The following DOCK3 variants were observed in gnomAD, a reference collection of about 807,000 sequenced individuals.
The protein encoded by DOCK3 is dedicator of cytokinesis protein 3.
A neutral mutation model predicts 265.6 loss-of-function variants in DOCK3; 60 were observed. That is an observed-to-expected ratio of 0.23 (90% CI 0.18 to 0.28). DOCK3 has a LOEUF of 0.28. Among genes scored for constraint, DOCK3 ranks in the 10% least tolerant of loss-of-function variants. The probability of loss-of-function intolerance (pLI) is 1.00; values close to 1 mark genes in which losing one functional copy is unlikely to be tolerated. For synonymous variants in DOCK3, 881 were observed against 938.0 expected (o/e 0.94, Z 1.11); for missense variants, 1,981 against 2,594.3 (o/e 0.76, Z 5.14).
At chr3:51,303,126 T>C (rs551640670) in intron 27 of DOCK3, among the ~76,000 whole-genome samples, 6 of 151,350 alleles carry the variant, frequency 4.0e-5, no homozygotes, top group African/African-American at 1.2e-4. Flanking sequence ...TTTTTTTTTT[T>C]CTCTAATCTT....
chr3:51,020,632 G>A (rs1254990145), intron 5 of DOCK3, among the ~76,000 whole-genome samples: 1 of 151,770 alleles, frequency 6.6e-6, no homozygotes, highest in African/African-American at 2.4e-5. Context: ...AATCCACCTT[G>A]CGTTAATTTT....
At chr3:51,134,867 C>T (rs1183275368) in intron 9 of DOCK3, among the ~76,000 whole-genome samples, 1 of 152,180 alleles carries the variant, frequency 6.6e-6, no homozygotes. Flanking sequence ...CTTTACTACT[C>T]TCTACTTTTT....
intron 6 of DOCK3, 148 bp downstream of exon 6, chr3:51,064,744 A>G: frequency 9.0e-7 from 1 of 1,109,000 alleles, no homozygotes; most frequent in Non-Finnish European, 1.2e-6. Context: ...TGCTAGGAGC[A>G]GTTATTTGTC....
intron 19 of DOCK3, among the ~76,000 whole-genome samples, chr3:51,233,035 A>G (rs1489476025): frequency 1.3e-5 from 2 of 152,090 alleles, no homozygotes; most frequent in Admixed American, 6.6e-5. Flanking sequence ...GCCTTGTAGT[A>G]TAGTTTGAAA....
intron 9 of DOCK3, among the ~76,000 whole-genome samples, chr3:51,097,024 C>T (rs989681391): frequency 7.9e-5 from 12 of 152,202 alleles, no homozygotes; most frequent in African/African-American, 2.4e-5. Context: ...CAGAGCTCTC[C>T]TGTATGAGGT....
chr3:51,265,535 G>T (rs1204321455), intron 23 of DOCK3, among the ~76,000 whole-genome samples: 1 of 152,180 alleles, frequency 6.6e-6, no homozygotes, highest in Non-Finnish European at 1.5e-5. Flanking sequence ...GGGATGTAAG[G>T]CTGGTTCAAC....
intron 1 of DOCK3, among the ~76,000 whole-genome samples, chr3:50,750,861 A>G (rs373029500): frequency 6.6e-4 from 100 of 152,350 alleles, no homozygotes; most frequent in African/African-American, 2.4e-3. Context: ...TGGCCCAAGC[A>G]AAACATAATT....
intron 32 of DOCK3, among the ~76,000 whole-genome samples, chr3:51,329,921 C>A (rs1204448365): frequency 5.3e-5 from 8 of 152,178 alleles, no homozygotes; most frequent in Non-Finnish European, 8.8e-5. Flanking sequence ...TAAGTCCTAT[C>A]TCTTTTTCAA....
intron 2 of DOCK3, among the ~76,000 whole-genome samples, chr3:50,827,855 T>G (rs1282546397): frequency 2.0e-5 from 3 of 152,182 alleles, no homozygotes; most frequent in Admixed American, 6.5e-5. Context: ...AACCCAGCAT[T>G]TTAATGATTT....
intron 1 of DOCK3, among the ~76,000 whole-genome samples, chr3:50,752,121 G>A (rs1252210485): frequency 1.3e-5 from 2 of 152,114 alleles, no homozygotes; most frequent in Non-Finnish European, 2.9e-5. Flanking sequence ...CATAGGGAAG[G>A]TTGTCAAATA....
intron 7 of DOCK3, among the ~76,000 whole-genome samples, chr3:51,082,322 C>T (rs1047783634): frequency 2.0e-5 from 3 of 152,028 alleles, no homozygotes; most frequent in Non-Finnish European, 4.4e-5. Flanking sequence ...CCCCTGGAGC[C>T]CTGCTGACAT....
intron 12 of DOCK3, among the ~76,000 whole-genome samples, chr3:51,200,514 G>A (rs1438899782): frequency 6.8e-6 from 1 of 146,512 alleles, no homozygotes; most frequent in East Asian, 2.0e-4. Context: ...AAGAAATATG[G>A]GACTATGTGA....
intron 22 of DOCK3, among the ~76,000 whole-genome samples, chr3:51,259,341 C>G (rs959203881): frequency 2.6e-5 from 4 of 152,140 alleles, no homozygotes; most frequent in Admixed American, 2.0e-4. Flanking sequence ...TTCAGCCTTG[C>G]ATAAGTTTCT....
chr3:50,900,605 C>T (rs544390593), intron 4 of DOCK3: 23 of 394,878 alleles, frequency 5.8e-5, no homozygotes, highest in African/African-American at 3.0e-4. Context: ...TCCTCATCTT[C>T]GTGGATTTAT....
At chr3:51,318,819 A>G (rs942680421) in intron 32 of DOCK3, among the ~76,000 whole-genome samples, 5 of 152,158 alleles carry the variant, frequency 3.3e-5, no homozygotes, top group Non-Finnish European at 5.9e-5. Context: ...CTTTGTTTAT[A>G]TAAATATATA....
rs1160043123 is a variant in DOCK3 at position 51,314,966 on chromosome 3, G to A, written c.3254-14G>A. ...GCAAAGCAGGCATAAACTAATTTGG[G>A]TTTTGTTTTTCAGGTGAACATAAGA... is the stretch of plus-strand genomic sequence containing the variant. On this transcript the variant is annotated splice_polypyrimidine_tract_variant and intron_variant, in intron 31 of 52. Transcript: ENST00000266037. The A allele has an allele frequency of 6.3e-7, 1 of 1,595,080 alleles. No individual in the cohort carries two copies. The highest frequency in any genetic ancestry group is 8.6e-7 in the Non-Finnish European group (1 of 1,168,000).
chr3:50,981,884 C>T (rs190217679), intron 5 of DOCK3, among the ~76,000 whole-genome samples: 185 of 152,220 alleles, frequency 1.2e-3, no homozygotes, highest in Middle Eastern at 3.4e-3. Context: ...GAGTCTCTCT[C>T]TGTCGCCCAG....
At chr3:50,861,658 C>A (rs982133823) in intron 3 of DOCK3, among the ~76,000 whole-genome samples, 3 of 151,876 alleles carry the variant, frequency 2.0e-5, no homozygotes, top group Non-Finnish European at 4.4e-5. Context: ...TTGAATTGAA[C>A]CGCTTTATCA....
chr3:50,865,632 C>T lies in DOCK3; in HGVS notation c.162+23917C>T, dbSNP rs9876984. 2.8e-3 allele frequency among the ~76,000 whole-genome samples: 419 copies of T among 152,246 alleles called. 1 individual carries two copies. Among genetic ancestry groups the T allele is most frequent in the African/African-American group, 9.6e-3 (401 of 41,556 alleles). On this transcript the variant is annotated intron_variant, in intron 3 of 52. Transcript: ENST00000266037. ...AAACATGGGAGCGCATGTATCTCTT[C>T]GATATACTGATTTCCTTTCTTTTGG...
Sources: gnomAD v4.1 joint callset for allele counts (sites outside exome capture counted in the v4.1 genomes callset) on GRCh38, gnomAD v4.1.1 for gene constraint, MANE v1.5 for transcripts, NCBI Gene and HGNC (gene_info 2026-07-23, HGNC 2026-07-21) for gene names.